BPIFB3: variants seen among roughly 807,000 people sequenced by gnomAD.
BPIFB3 encodes BPI fold containing family B member 3.
In BPIFB3, 49 loss-of-function variants were observed where a neutral mutation model predicts 53.1. That is an observed-to-expected ratio of 0.92 (90% CI 0.73 to 1.17). The LOEUF (loss-of-function observed/expected upper bound fraction) is 1.17. Among genes scored for constraint, BPIFB3 ranks in the 50% most tolerant of loss-of-function variants. BPIFB3 has a pLI of 0.00. For synonymous variants in BPIFB3, 271 were observed against 269.6 expected (o/e 1.01, Z -0.05); for missense variants, 628 against 592.5 (o/e 1.06, Z -0.62).
intron 2 of BPIFB3, among the ~76,000 whole-genome samples, chr20:33,057,179 C>T (rs1452569409): frequency 1.3e-5 from 2 of 151,680 alleles, no homozygotes; most frequent in East Asian, 3.9e-4. Context: ...AGTGTATGCT[C>T]AAAAAGCTTT....
In BPIFB3 at chr20:33,066,860, G is replaced by A. The variant is rs372453694; in HGVS notation, c.961G>A (p.Ala321Thr). 5 of 1,614,070 alleles carry A rather than the reference G, an allele frequency of 3.1e-6. No homozygotes were observed. Among genetic ancestry groups the A allele is most frequent in the Non-Finnish European group, 4.2e-6 (5 of 1,180,030 alleles). ...TGTCCCACTGACAACTACAGACCTG[G>A]CAGCTTTGCTCCCTGAGGTGAGTGA... Residue 321 changes from alanine to threonine, a missense_variant, in exon 9 of 15, where the codon GCA becomes ACA. Ala to Thr is a moderately conservative substitution (Grantham distance 58). Transcript: ENST00000375494.
chr20:33,056,327 C>T (rs997685717), intron 1 of BPIFB3, among the ~76,000 whole-genome samples: 1 of 152,198 alleles, frequency 6.6e-6, no homozygotes, highest in Non-Finnish European at 1.5e-5. Flanking sequence ...TACTGGGTAC[C>T]TCCCACATGC....
At chr20:33,053,927 G>A (rs1980083837), upstream of BPIFB3, among the ~76,000 whole-genome samples, 1 of 152,148 alleles carries the variant, frequency 6.6e-6, no homozygotes, top group East Asian at 1.9e-4. Flanking sequence ...AGGAGGCCGG[G>A]AGCCCCCACC....
chr20:33,059,286 T>G, intron 2 of BPIFB3, 92 bp from the exon 4 acceptor site: 20 of 828,426 alleles, frequency 2.4e-5, no homozygotes, highest in African/African-American at 3.8e-5. Flanking sequence ...GGGTTTGAGG[T>G]GAGATAGGGG....
intron 9 of BPIFB3, 38 bp downstream of exon 10, chr20:33,066,915 C>G: frequency 6.3e-7 from 1 of 1,598,784 alleles, no homozygotes; most frequent in Non-Finnish European, 8.6e-7. Flanking sequence ...CATTGTAGCT[C>G]TTTCCTGATG....
At position 33,068,930 on chromosome 20, in the gene BPIFB3, A is replaced by G. The variant is rs6059063; in HGVS notation, c.1106A>G (p.Tyr369Cys). 9.6e-5 allele frequency: 155 copies of G among 1,613,870 alleles called. 1 individual carries two copies. In the African/African-American group the frequency reaches 1.6e-3, roughly 16 times the overall value. The change falls in exon 10 of 15, where the codon TAT (tyrosine) becomes TGT (cysteine). Residue 369 changes from tyrosine (Y) to cysteine (C), a missense_variant. By Grantham distance (194) the Tyr-to-Cys change is radical (BLOSUM62 -2). Coordinates refer to ENST00000375494, the Ensembl canonical transcript of BPIFB3. ...CCAGCCAACATCCATGTGCTGTTCTATGTCCCTAAGGGGACCCCTGAATCC... is the reference window on the plus strand; with the variant it reads ...CCAGCCAACATCCATGTGCTGTTCTGTGTCCCTAAGGGGACCCCTGAATCC...
chr20:33,069,955 G>A (rs372182848), exon 11 of BPIFB3: 20 of 1,614,028 alleles, frequency 1.2e-5, no homozygotes, highest in East Asian at 6.7e-5. Context: ...TCCCTGGAAC[G>A]GTAACTTGGG....
chr20:33,067,046 G>T (rs542846523), intron 9 of BPIFB3, among the ~76,000 whole-genome samples, 169 bp downstream of exon 10: 1 of 152,236 alleles, frequency 6.6e-6, no homozygotes, highest in Admixed American at 6.5e-5. Context: ...CCTGATAGCA[G>T]ATTTTGCTTA....
At chr20:33,066,051 G>A (rs901416313) in intron 8 of BPIFB3, among the ~76,000 whole-genome samples, 1 of 152,250 alleles carries the variant, frequency 6.6e-6, no homozygotes, top group Non-Finnish European at 1.5e-5. Context: ...TGGCAAGAGA[G>A]AGGAATGTCA....
At chr20:33,072,861 C>T in intron 14 of BPIFB3, 68 bp downstream of exon 15, 1 of 1,291,268 alleles carries the variant, frequency 7.7e-7, no homozygotes, top group Non-Finnish European at 1.1e-6. Context: ...CTGCTTGAAA[C>T]TAATGAGGGG....
intron 13 of BPIFB3, 26 bp downstream of exon 14, chr20:33,072,193 C>T (rs374288226): frequency 1.1e-5 from 17 of 1,611,658 alleles, no homozygotes; most frequent in African/African-American, 8.0e-5. Context: ...CTCTCTTGGA[C>T]ACATGGAGTG....
At chr20:33,059,632 T>C in intron 3 of BPIFB3, 150 bp downstream of exon 4, 1 of 717,904 alleles carries the variant, frequency 1.4e-6, no homozygotes, top group Non-Finnish European at 2.3e-6. Flanking sequence ...CTCCCAATCC[T>C]ACTGTTTCCC....
Position 33,064,968 on chromosome 20 carries a change from T to G in BPIFB3, c.924+123T>G, listed in dbSNP as rs1447299989. Reference sequence around the variant, plus strand: ...CCCTCCTCTCTATAATAAAAGGGAGTTGAACAAGTTTAGAGTGTGTACACT... The same window carrying G: ...CCCTCCTCTCTATAATAAAAGGGAGGTGAACAAGTTTAGAGTGTGTACACT... On this transcript the variant is annotated intron_variant, in intron 8 of 14. Transcript: ENST00000375494. The G allele has an allele frequency of 2.8e-6, 3 of 1,088,666 alleles. No homozygotes were observed. The Admixed American group carries it at 8.1e-5, about 29-fold the overall frequency. The allele number at this position is 1,088,666 out of a possible 1,614,324, so 67.4% of individuals were successfully genotyped here.
At chr20:33,061,650 AC>A in intron 4 of BPIFB3, 117 bp from the exon 6 acceptor site, 1 of 1,004,552 alleles carries the variant, frequency 1.0e-6, no homozygotes, top group Non-Finnish European at 1.5e-6. Context: ...CGCAGTCAAC[AC>A]CACCCCCAAG....
At chr20:33,068,851 G>A in exon 10 of BPIFB3, 2 of 1,613,972 alleles carry the variant, frequency 1.2e-6, no homozygotes, top group Non-Finnish European at 1.7e-6. Context: ...GTTCCTGCGG[G>A]TGAGGGAAGC....
chr20:33,066,716 A>C (rs1980684457), intron 8 of BPIFB3, 108 bp from the exon 10 acceptor site: 15 of 1,033,228 alleles, frequency 1.5e-5, no homozygotes, highest in Non-Finnish European at 2.0e-5. Context: ...ATATGTATGA[A>C]ATTGGCAGGG....
chr20:33,057,833 AG>A, intron 2 of BPIFB3, among the ~76,000 whole-genome samples: 1 of 152,144 alleles, frequency 6.6e-6, no homozygotes, highest in South Asian at 2.1e-4. Context: ...AAAAAAAAAA[AG>A]TATTTTTGAA....
upstream of BPIFB3, among the ~76,000 whole-genome samples, chr20:33,054,867 G>C (rs1980126715): frequency 6.6e-6 from 1 of 152,222 alleles, no homozygotes; most frequent in African/African-American, 2.4e-5. Flanking sequence ...GGGTGGAGGT[G>C]GGGGAAGGAG....
chr20:33,065,298 G>T (rs1036167697), intron 8 of BPIFB3, among the ~76,000 whole-genome samples: 1 of 152,152 alleles, frequency 6.6e-6, no homozygotes, highest in Non-Finnish European at 1.5e-5. Context: ...AGCACTTTGG[G>T]AGGCTGATGT....
Sources: gnomAD v4.1 joint callset for allele counts (sites outside exome capture counted in the v4.1 genomes callset) on GRCh38, gnomAD v4.1.1 for gene constraint, MANE v1.5 for transcripts, NCBI Gene and HGNC (gene_info 2026-07-23, HGNC 2026-07-21) for gene names.